DIAPH3: variants seen among roughly 807,000 people sequenced by gnomAD.
The protein encoded by DIAPH3 is diaphanous related formin 3.
Under a neutral mutation model 144.3 loss-of-function variants are expected in DIAPH3, and 117 were observed. That is an observed-to-expected ratio of 0.81 (90% CI 0.70 to 0.95). The LOEUF (loss-of-function observed/expected upper bound fraction) is 0.95, where lower values mean the gene tolerates loss of function less well. Ranked by LOEUF, DIAPH3 falls within the 40% of genes least tolerant of loss-of-function variation. The pLI, the probability that DIAPH3 is intolerant of heterozygous loss-of-function variation, is 0.00. For missense variants in DIAPH3, 1,421 were observed against 1,412.7 expected (o/e 1.01, Z -0.09); for synonymous variants, 519 against 488.9 (o/e 1.06, Z -0.81).
intron 9 of DIAPH3, among the ~76,000 whole-genome samples, chr13:60,000,814 C>T (rs1007364905): frequency 5.3e-5 from 8 of 152,142 alleles, no homozygotes; most frequent in African/African-American, 1.9e-4. Flanking sequence ...TCCCTTTATT[C>T]AGTAACTAAC....
intron 20 of DIAPH3, among the ~76,000 whole-genome samples, chr13:59,897,929 C>A (rs756533820): frequency 6.6e-5 from 10 of 151,412 alleles, no homozygotes; most frequent in Non-Finnish European, 1.5e-4. Context: ...GTCAGGAGTT[C>A]GAGACCAGCC....
intron 3 of DIAPH3, among the ~76,000 whole-genome samples, chr13:60,110,489 T>A (rs7324056): frequency 0.049 from 7,408 of 152,278 alleles, 276 homozygotes; most frequent in African/African-American, 0.096. Context: ...AAAAATATCC[T>A]AATCCACATT....
At chr13:59,799,836 G>A (rs1398544019) in intron 25 of DIAPH3, among the ~76,000 whole-genome samples, 1 of 152,088 alleles carries the variant, frequency 6.6e-6, no homozygotes, top group African/African-American at 2.4e-5. Flanking sequence ...GAGAAATAAT[G>A]GCATGTTTGA....
At chr13:59,669,166 T>A (rs1488282441) in intron 27 of DIAPH3, among the ~76,000 whole-genome samples, 1 of 152,172 alleles carries the variant, frequency 6.6e-6, no homozygotes, top group African/African-American at 2.4e-5. Flanking sequence ...CACACTGAAT[T>A]CTCGCAACAG....
chr13:60,037,221 ACT>A (rs2055293611), intron 5 of DIAPH3, among the ~76,000 whole-genome samples: 1 of 151,980 alleles, frequency 6.6e-6, no homozygotes, highest in African/African-American at 2.4e-5. Context: ...TTGCCATCAC[ACT>A]CTCACTAAGG....
At chr13:59,997,621 C>T (rs1010894988) in intron 9 of DIAPH3, among the ~76,000 whole-genome samples, 13 of 151,964 alleles carry the variant, frequency 8.6e-5, no homozygotes, top group African/African-American at 3.1e-4. Context: ...GGACAACAAA[C>T]TTAAGCACAA....
intron 1 of DIAPH3, among the ~76,000 whole-genome samples, chr13:60,133,697 G>GA (rs1169935323): frequency 1.3e-5 from 2 of 151,806 alleles, no homozygotes; most frequent in East Asian, 3.9e-4. Context: ...CAATTCAAAA[G>GA]AAAAAAATAA....
intron 5 of DIAPH3, among the ~76,000 whole-genome samples, chr13:60,019,914 T>C (rs1284402269): frequency 6.6e-6 from 1 of 151,170 alleles, no homozygotes; most frequent in Non-Finnish European, 1.5e-5. Context: ...TACTCTTCCT[T>C]TGTTTTGTTT....
intron 17 of DIAPH3, among the ~76,000 whole-genome samples, chr13:59,939,803 C>T (rs1717918983): frequency 6.7e-6 from 1 of 150,262 alleles, no homozygotes; most frequent in Non-Finnish European, 1.5e-5. Context: ...TTAAACAATA[C>T]ATATGTATAT....
intron 9 of DIAPH3, among the ~76,000 whole-genome samples, chr13:60,004,129 T>C (rs950347520): frequency 6.6e-6 from 1 of 152,220 alleles, no homozygotes; most frequent in Admixed American, 6.5e-5. Flanking sequence ...TGCTATCTCA[T>C]TTTCTCCAAT....
rs142329584 is a variant in DIAPH3, at chr13:59,759,301, C to T, written c.3319+14888G>A. 2.7e-3 allele frequency among the ~76,000 whole-genome samples: 415 copies of T among 152,038 alleles called. 3 individuals carry two copies. The highest frequency in any genetic ancestry group is 9.5e-3 in the African/African-American group (395 of 41,480). ...TTTGAAAAATACATAAGGATGGGCC[C>T]GGGGGCACAGAAACTACCACAAGGA... On this transcript the variant is annotated intron_variant, in intron 27 of 27. Coordinates refer to ENST00000400324, the MANE Select transcript of DIAPH3 (RefSeq NM_001042517.2).
chr13:59,747,388 T>A (rs1566254294), intron 27 of DIAPH3, among the ~76,000 whole-genome samples: 1 of 152,222 alleles, frequency 6.6e-6, no homozygotes, highest in Non-Finnish European at 1.5e-5. Flanking sequence ...TACACCCGTA[T>A]GTTGCTAGAA....
intron 5 of DIAPH3, 146 bp from the exon 6 acceptor site, chr13:60,016,291 A>G: frequency 1.2e-6 from 1 of 808,960 alleles, no homozygotes; most frequent in South Asian, 1.7e-5. Flanking sequence ...ATTATTCATG[A>G]CTCATCTTAG....
chr13:59,666,500 C>T lies in DIAPH3; in HGVS notation c.*84G>A. ...ATTTAAAACTATATAAAGTCACTTA[C>T]ATAAAAGCAATTTTTTCAAGTGTTA... On this transcript the variant is annotated 3_prime_UTR_variant, in exon 28 of 28. Transcript: ENST00000400324. The T allele has an allele frequency of 6.6e-7, 1 of 1,524,972 alleles. No individual in the cohort carries two copies. The highest frequency in any genetic ancestry group is 8.9e-7 in the Non-Finnish European group (1 of 1,126,448). 94.5% of individuals were successfully genotyped at this position (1,524,972 alleles called of 1,614,324 possible). A position where few individuals can be genotyped will look rare whatever the true frequency, so the allele number is the denominator to read the frequency against.
At chr13:59,707,663 T>C (rs1246330552) in intron 27 of DIAPH3, among the ~76,000 whole-genome samples, 1 of 152,230 alleles carries the variant, frequency 6.6e-6, no homozygotes, top group Non-Finnish European at 1.5e-5. Flanking sequence ...AAAAAGCTTT[T>C]ATTAAATTCT....
chr13:59,741,082 C>T (rs1593720664), intron 27 of DIAPH3, among the ~76,000 whole-genome samples: 1 of 152,160 alleles, frequency 6.6e-6, no homozygotes, highest in Non-Finnish European at 1.5e-5. Flanking sequence ...TACAGCTTGA[C>T]CCACTGTTAC....
At chr13:59,836,157 T>G (rs2042034394) in intron 23 of DIAPH3, among the ~76,000 whole-genome samples, 1 of 151,812 alleles carries the variant, frequency 6.6e-6, no homozygotes, top group African/African-American at 2.4e-5. Context: ...AGGCAAGTGC[T>G]CAGGCAAGAA....
At chr13:59,969,497 C>G (rs2050235750) in intron 17 of DIAPH3, among the ~76,000 whole-genome samples, 1 of 152,152 alleles carries the variant, frequency 6.6e-6, no homozygotes, top group Admixed American at 6.6e-5. Context: ...AACCCGTCAT[C>G]TACGTTGGGT....
chr13:60,021,594 C>T (rs2054025550), intron 5 of DIAPH3, among the ~76,000 whole-genome samples: 1 of 150,022 alleles, frequency 6.7e-6, no homozygotes, highest in East Asian at 2.0e-4. Flanking sequence ...TGGGCTCCAT[C>T]TTGCCCAGAC....
Sources: allele counts gnomAD v4.1 joint callset (sites outside exome capture counted in the v4.1 genomes callset), GRCh38; gene constraint gnomAD v4.1.1; transcripts MANE v1.5; gene names NCBI Gene and HGNC (gene_info 2026-07-23, HGNC 2026-07-21).